The following CCDC178 variants were observed in gnomAD, a reference collection of about 807,000 sequenced individuals.
CCDC178 encodes coiled-coil domain-containing protein 178.
Under a neutral mutation model 117.4 loss-of-function variants are expected in CCDC178, and 126 were observed. The observed-to-expected ratio is 1.07, with a 90% confidence interval of 0.93 to 1.24. The LOEUF (loss-of-function observed/expected upper bound fraction) is 1.24, where lower values mean the gene tolerates loss of function less well. Among genes scored for constraint, CCDC178 ranks in the 50% most tolerant of loss-of-function variants. The pLI is 0.00. For synonymous variants in CCDC178, 283 were observed against 313.4 expected, an observed-to-expected ratio of 0.90 and a Z score of 1.02; for missense variants, 1,030 against 986.9, an observed-to-expected ratio of 1.04 and a Z score of -0.59.
intron 14 of CCDC178, among the ~76,000 whole-genome samples, chr18:33,255,893 A>G (rs2059673318): frequency 6.6e-6 from 1 of 151,566 alleles, no homozygotes; most frequent in Admixed American, 6.6e-5. Flanking sequence ...AAGAATCAAG[A>G]GAATGGCATC....
intron 21 of CCDC178, among the ~76,000 whole-genome samples, chr18:32,997,270 T>C (rs904410556): frequency 2.0e-5 from 3 of 152,188 alleles, no homozygotes; most frequent in African/African-American, 7.2e-5. Context: ...GCTAATTTAT[T>C]TGTTTCTGAG....
chr18:33,316,656 A>T (rs979897355), intron 11 of CCDC178, among the ~76,000 whole-genome samples: 1 of 152,168 alleles, frequency 6.6e-6, no homozygotes, highest in Non-Finnish European at 1.5e-5. Flanking sequence ...CTTTATGTCT[A>T]GCTAAGGGAT....
intron 22 of CCDC178, among the ~76,000 whole-genome samples, chr18:32,958,910 T>C (rs1014245427): frequency 8.5e-5 from 13 of 152,114 alleles, no homozygotes; most frequent in African/African-American, 3.1e-4. Flanking sequence ...GAACTCACAG[T>C]TGTCAAGGTG....
chr18:33,268,425 A>C (rs2059845948), intron 12 of CCDC178, among the ~76,000 whole-genome samples: 1 of 151,904 alleles, frequency 6.6e-6, no homozygotes, highest in South Asian at 2.1e-4. Flanking sequence ...AAAAAAATTC[A>C]AAGTGGTCTC....
At chr18:33,391,708 A>C (rs922441807) in intron 4 of CCDC178, among the ~76,000 whole-genome samples, 1 of 152,182 alleles carries the variant, frequency 6.6e-6, no homozygotes, top group African/African-American at 2.4e-5. Context: ...ATGTATGAAA[A>C]AGGAAACACT....
At chr18:32,946,277 A>T (rs1021649385) in intron 22 of CCDC178, among the ~76,000 whole-genome samples, 1 of 152,188 alleles carries the variant, frequency 6.6e-6, no homozygotes, top group Non-Finnish European at 1.5e-5. Context: ...TTGCCCTAAA[A>T]TGCAACAAAA....
In CCDC178 at chr18:33,295,776, T is replaced by A. The variant is rs8092073; in HGVS notation, c.1023-2464A>T. Reference sequence around the variant, plus strand: ...TTACTAGTCCAGGCTGAAATTTTTTTAAAAAAATAGTGTTCTCTTGTAGAG... The same window carrying A: ...TTACTAGTCCAGGCTGAAATTTTTTAAAAAAAATAGTGTTCTCTTGTAGAG... On this transcript the variant is annotated intron_variant, in intron 11 of 22. Transcript: ENST00000383096. Among the ~76,000 whole-genome samples the A allele has an allele frequency of 7.3e-3, 1,108 of 152,152 alleles. 9 individuals are homozygous for A. The highest frequency in any genetic ancestry group is 0.025 in the African/African-American group (1,056 of 41,534).
rs749056668 is a variant in CCDC178 at position 33,245,433 on chromosome 18, AAAAGT to A, written c.1410-10_1410-6del. On this transcript the variant is annotated splice_polypyrimidine_tract_variant and splice_region_variant and intron_variant, in intron 14 of 22. Transcript: ENST00000383096. ...TATTTTGATTTTTTCCGTATGCTGT[AAAAGT>A]AAAGCAAAAATTAATATTATTGAGT... The A allele has an allele frequency of 3.4e-5, 51 of 1,516,832 alleles. No homozygotes were observed. The highest frequency in any genetic ancestry group is 8.9e-5 in the Admixed American group (4 of 44,778). 94.0% of individuals were successfully genotyped at this position (1,516,832 alleles called of 1,614,324 possible).
chr18:33,154,312 A>G (rs1405735010), intron 20 of CCDC178, among the ~76,000 whole-genome samples: 1 of 152,106 alleles, frequency 6.6e-6, no homozygotes, highest in Admixed American at 6.5e-5. Context: ...GAAAAATAAG[A>G]GTGTCTGGAG....
At chr18:33,343,652 GC>G (rs963253963) in intron 9 of CCDC178, among the ~76,000 whole-genome samples, 4 of 152,132 alleles carry the variant, frequency 2.6e-5, no homozygotes, top group African/African-American at 9.7e-5. Flanking sequence ...CAGCCTCCTG[GC>G]CCACAAAACA....
intron 22 of CCDC178, among the ~76,000 whole-genome samples, chr18:32,958,379 C>A (rs1034504363): frequency 6.6e-6 from 1 of 152,096 alleles, no homozygotes; most frequent in Non-Finnish European, 1.5e-5. Flanking sequence ...AATTAAATGT[C>A]TAAATTTTAA....
At chr18:33,407,720 C>T (rs1452482598) in intron 3 of CCDC178, among the ~76,000 whole-genome samples, 1 of 151,848 alleles carries the variant, frequency 6.6e-6, no homozygotes, top group African/African-American at 2.4e-5. Context: ...AAAATTATAA[C>T]TTGCTAATCA....
At chr18:33,003,694 G>A (rs963445137) in intron 21 of CCDC178, among the ~76,000 whole-genome samples, 2 of 151,968 alleles carry the variant, frequency 1.3e-5, no homozygotes, top group Non-Finnish European at 2.9e-5. Flanking sequence ...GCAATGAGAC[G>A]AGAAAGAAAT....
chr18:33,389,835 G>C (rs1014241052), intron 4 of CCDC178, among the ~76,000 whole-genome samples: 2 of 151,762 alleles, frequency 1.3e-5, no homozygotes, highest in Non-Finnish European at 2.9e-5. Flanking sequence ...TCTTTCATAA[G>C]AAGGTATTCA....
intron 3 of CCDC178, 88 bp downstream of exon 3, chr18:33,411,943 T>A: frequency 1.6e-6 from 1 of 632,056 alleles, no homozygotes; most frequent in Non-Finnish European, 2.7e-6. Flanking sequence ...AAGATTACTA[T>A]CTTTGCAGTT....
chr18:33,128,509 C>T (rs562162237), intron 20 of CCDC178, among the ~76,000 whole-genome samples: 2 of 152,204 alleles, frequency 1.3e-5, no homozygotes, highest in African/African-American at 2.4e-5. Context: ...GCAATAAAGG[C>T]CCTGAATTTC....
chr18:32,985,912 G>C (rs1380248840), intron 21 of CCDC178, among the ~76,000 whole-genome samples: 3 of 151,910 alleles, frequency 2.0e-5, no homozygotes, highest in African/African-American at 7.2e-5. Context: ...AACAAGTATA[G>C]TTCTACCAAT....
In CCDC178 at chr18:33,181,950, G is replaced by T. The variant is rs570732243; in HGVS notation, c.2238+29946C>A. ...GGCAAACACCATACCGTGTAATAAG[G>T]GAACATCATAATTACAGCACCTTAT... On this transcript the variant is annotated intron_variant, in intron 20 of 22. Coordinates refer to ENST00000383096, the MANE Select transcript of CCDC178 (RefSeq NM_001105528.4). Among the ~76,000 whole-genome samples, 4 of 151,502 alleles carry T rather than the reference G, an allele frequency of 2.6e-5. No individual in the cohort carries two copies. In the South Asian group the frequency reaches 8.4e-4, roughly 32 times the overall value.
intron 11 of CCDC178, among the ~76,000 whole-genome samples, chr18:33,317,505 A>G (rs1568141380): frequency 6.6e-6 from 1 of 152,202 alleles, no homozygotes; most frequent in Non-Finnish European, 1.5e-5. Flanking sequence ...CCAATTCTGG[A>G]CACATTTTCA....
Sources: gnomAD v4.1 joint callset for allele counts (sites outside exome capture counted in the v4.1 genomes callset) on GRCh38, gnomAD v4.1.1 for gene constraint, MANE v1.5 for transcripts, NCBI Gene and HGNC (gene_info 2026-07-23, HGNC 2026-07-21) for gene names.